Variants in MIA3 observed in about 807,000 individuals in gnomAD.
The protein encoded by MIA3 is transport and Golgi organization protein 1 homolog.
MIA3 carries 90 observed loss-of-function variants against 192.4 expected under a neutral mutation model. That is an observed-to-expected ratio of 0.47 (90% confidence interval 0.39 to 0.56). MIA3 has a LOEUF of 0.56. MIA3 is among the 20% of genes least tolerant of loss of function. MIA3 has a pLI of 0.00. For synonymous variants in MIA3, 740 were observed against 792.8 expected (o/e 0.93, Z 1.12); for missense variants, 2,123 against 2,269.4 (o/e 0.94, Z 1.31).
chr1:222,662,420 T>C (rs1664064462), intron 26 of MIA3, 88 bp downstream of exon 26: 1 of 1,587,982 alleles, frequency 6.3e-7, no homozygotes, highest in African/African-American at 1.3e-5. Flanking sequence ...CCTATTTGTG[T>C]GTTCTATCTG....
intron 12 of MIA3, 26 bp downstream of exon 12, chr1:222,652,074 G>A: frequency 7.2e-7 from 1 of 1,389,992 alleles, no homozygotes; most frequent in South Asian, 1.2e-5. Flanking sequence ...ATTCCTGCAG[G>A]ATATTAATAC....
intron 2 of MIA3, among the ~76,000 whole-genome samples, chr1:222,623,245 A>T (rs927780696): frequency 2.7e-5 from 4 of 148,544 alleles, no homozygotes; most frequent in African/African-American, 9.9e-5. Flanking sequence ...AGACATAAAG[A>T]TTTTTTCTTG....
intron 19 of MIA3, 169 bp downstream of exon 19, chr1:222,658,992 G>C (rs895863561): frequency 2.5e-4 from 135 of 535,544 alleles, no homozygotes; most frequent in Non-Finnish European, 4.4e-5. Flanking sequence ...CAAATACCCA[G>C]TGCTGGCAAA....
intron 6 of MIA3, among the ~76,000 whole-genome samples, chr1:222,634,719 C>T (rs1174601586): frequency 6.6e-6 from 1 of 152,134 alleles, no homozygotes; most frequent in African/African-American, 2.4e-5. Flanking sequence ...TGCTTCTCAC[C>T]AAAGCCATTT....
chr1:222,629,815 A>C lies in MIA3; in HGVS notation c.2595A>C (p.Ser865=), dbSNP rs773142481. The part of the protein sequence containing the change: ...NDNPEEHLKT[S]GLAGEPEGEL... Reference sequence around the variant, plus strand: ...ACCCTGAGGAACATCTGAAGACCTCAGGGCTTGCAGGGGAGCCTGAGGGAG... The same window carrying C: ...ACCCTGAGGAACATCTGAAGACCTCCGGGCTTGCAGGGGAGCCTGAGGGAG... The change falls in exon 4 of 28, where the codon TCA becomes TCC. Residue 865 remains serine (S), a synonymous_variant. Transcript: ENST00000344922. 1 of 1,614,050 alleles carries C rather than the reference A, an allele frequency of 6.2e-7. No homozygotes were observed. Among genetic ancestry groups the C allele is most frequent in the Non-Finnish European group, 8.5e-7 (1 of 1,179,986 alleles).
Position 222,629,581 on chromosome 1 carries a change from TA to T in MIA3, c.2362del (p.Ser788AlafsTer47). ...SKQETSMILD[S>X]EKTSETAAKG... is the part of the protein sequence containing the mutation. Reference sequence around the variant, plus strand: ...AGCAAGAAACTAGTATGATTTTGGATAGCGAAAAAACAAGTGAGACTGCTGC... The same window carrying T: ...AGCAAGAAACTAGTATGATTTTGGATGCGAAAAAACAAGTGAGACTGCTGC... On this transcript the variant is annotated frameshift_variant, in exon 4 of 28. Coordinates refer to ENST00000344922, the MANE Select transcript of MIA3 (RefSeq NM_198551.4). LOFTEE classifies it high-confidence loss of function. 6.2e-7 allele frequency: 1 copy of T among 1,613,932 alleles called. No individual in the cohort carries two copies. Among genetic ancestry groups the T allele is most frequent in the Non-Finnish European group, 8.5e-7 (1 of 1,179,974 alleles).
At chr1:222,626,051 G>T (rs1320936664) in intron 3 of MIA3, among the ~76,000 whole-genome samples, 2 of 152,162 alleles carry the variant, frequency 1.3e-5, no homozygotes, top group Non-Finnish European at 2.9e-5. Context: ...AAAACACCAT[G>T]CCCAGCCCCC....
chr1:222,657,372 T>C (rs1035438612), intron 18 of MIA3, among the ~76,000 whole-genome samples: 1 of 152,204 alleles, frequency 6.6e-6, no homozygotes, highest in Non-Finnish European at 1.5e-5. Context: ...AACCCAGGGA[T>C]CTGTTGAAAG....
In MIA3 at chr1:222,666,093, C is replaced by T. The variant is rs1305480603; in HGVS notation, c.*474C>T. The T allele has an allele frequency of 6.6e-6, 1 of 152,346 alleles. No individual in the cohort carries two copies. Among genetic ancestry groups the T allele is most frequent in the Non-Finnish European group, 1.5e-5 (1 of 68,200 alleles). 9.4% of individuals were successfully genotyped at this position (152,346 alleles called of 1,614,324 possible). The stretch of plus-strand genomic sequence containing the variant: ...CTAAAAGATCACTAAACTATCTCCC[C>T]TCTTGCTGAAGTTCTTTGTAGTAAT... On this transcript the variant is annotated 3_prime_UTR_variant, in exon 28 of 28. Transcript: ENST00000344922.
At position 222,629,457 on chromosome 1, in the gene MIA3, A is replaced by T. The variant is rs767277066; in HGVS notation, c.2237A>T (p.Asn746Ile). 6.2e-7 allele frequency: 1 copy of T among 1,614,166 alleles called. No individual in the cohort carries two copies. Residue 746 changes from asparagine (N) to isoleucine (I), a missense_variant, in exon 4 of 28, where the codon AAC (asparagine) becomes ATC (isoleucine). Coordinates refer to ENST00000344922, the MANE Select transcript of MIA3 (RefSeq NM_198551.4). ...AATGCAAAACGGTCTAAAGAAAAAAACCCTGGGAATCAGGGCAGGCAGTTT... is the reference window on the plus strand; with the variant it reads ...AATGCAAAACGGTCTAAAGAAAAAATCCCTGGGAATCAGGGCAGGCAGTTT... The part of the protein sequence containing the change: ...AINAKRSKEK[N>I]PGNQGRQFDV...
rs1432873572 is a variant in MIA3, at chr1:222,650,350, T to C, written c.3690T>C (p.Leu1230=). 6.2e-7 allele frequency: 1 copy of C among 1,602,666 alleles called. No homozygotes were observed. Among genetic ancestry groups the C allele is most frequent in the Non-Finnish European group, 8.5e-7 (1 of 1,171,412 alleles). ...LKTIMKENTE[L]VQKLSNYEQK... ...CTATCATGAAAGAAAATACAGAACTTGTACAAAAATTGTCAAATTATGAAC... is the reference window on the plus strand; with the variant it reads ...CTATCATGAAAGAAAATACAGAACTCGTACAAAAATTGTCAAATTATGAAC... Residue 1230 remains leucine, a synonymous_variant, in exon 9 of 28, where the codon CTT becomes CTC. Coordinates refer to ENST00000344922, the MANE Select transcript of MIA3 (RefSeq NM_198551.4).
chr1:222,621,944 G>T (rs898320325), intron 2 of MIA3, among the ~76,000 whole-genome samples: 3 of 152,024 alleles, frequency 2.0e-5, no homozygotes, highest in African/African-American at 7.2e-5. Flanking sequence ...GAGTAGCTGG[G>T]GCTGCAGGTG....
intron 18 of MIA3, among the ~76,000 whole-genome samples, chr1:222,658,234 ATTGTACAGTT>A (rs1245010495): frequency 6.6e-6 from 1 of 152,212 alleles, no homozygotes; most frequent in East Asian, 1.9e-4. Flanking sequence ...TCTGGGGTTA[ATTGTACAGTT>A]AAGGACATGT....
Position 222,654,761 on chromosome 1 carries a change from G to T in MIA3, c.4575G>T (p.Glu1525Asp). The change falls in exon 18 of 28, where the codon GAG (glutamate) becomes GAT (aspartate). Residue 1525 changes from glutamate (E) to aspartate (D), a missense_variant. Physicochemically the swap from Glu to Asp is conservative, Grantham distance 45. This residue lies in a region of MIA3 where 762 missense variants were observed against 856.4 expected (regional missense o/e 0.89). Transcript: ENST00000344922. ...TLRQKVEILNELYQQKEMALQ... is the reference protein window; with the variant it reads ...TLRQKVEILNDLYQQKEMALQ... Reference sequence around the variant, plus strand: ...GGCAGAAAGTGGAGATTCTGAATGAGCTCTATCAGCAGAAGGAGATGGCTT... The same window carrying T: ...GGCAGAAAGTGGAGATTCTGAATGATCTCTATCAGCAGAAGGAGATGGCTT... The T allele has an allele frequency of 1.2e-6, 2 of 1,614,072 alleles. No homozygotes were observed. Among genetic ancestry groups the T allele is most frequent in the Non-Finnish European group, 8.5e-7 (1 of 1,179,954 alleles).
At chr1:222,626,460 G>C (rs79174876) in intron 3 of MIA3, among the ~76,000 whole-genome samples, 2,150 of 152,286 alleles carry the variant, frequency 0.014, 61 homozygotes, top group African/African-American at 0.049. Context: ...CCAGTACACA[G>C]GACAGTTCTC....
intron 18 of MIA3, among the ~76,000 whole-genome samples, chr1:222,657,704 A>G (rs1420922118): frequency 1.3e-5 from 2 of 152,194 alleles, no homozygotes; most frequent in Non-Finnish European, 2.9e-5. Context: ...TGCACCTTTT[A>G]CACATTCAGC....
intron 4 of MIA3, 40 bp from the exon 5 acceptor site, chr1:222,632,125 C>A (rs1262762060): frequency 6.3e-7 from 1 of 1,593,952 alleles, no homozygotes; most frequent in Non-Finnish European, 8.6e-7. Context: ...CAGGTAGTGT[C>A]ATCAAGCTGT....
chr1:222,663,390 G>A (rs964845887), intron 26 of MIA3, among the ~76,000 whole-genome samples: 2 of 152,124 alleles, frequency 1.3e-5, no homozygotes, highest in Non-Finnish European at 2.9e-5. Flanking sequence ...TGGAAAGAAC[G>A]TGGCCTTGGA....
At chr1:222,644,701 C>G (rs1663049876) in intron 6 of MIA3, 1 of 1,160,528 alleles carries the variant, frequency 8.6e-7, no homozygotes, top group Admixed American at 2.1e-5. Context: ...TGTGTCAGAT[C>G]CGAGGAAAGC....
Sources: gnomAD v4.1 joint callset for allele counts (sites outside exome capture counted in the v4.1 genomes callset) on GRCh38, gnomAD v4.1.1 for gene constraint, gnomAD v4.1.1 regional missense constraint, MANE v1.5 for transcripts, NCBI Gene and HGNC (gene_info 2026-07-23, HGNC 2026-07-21) for gene names.